Variants in TMTC2 observed in about 807,000 individuals in gnomAD.
The protein encoded by TMTC2 is transmembrane O-mannosyltransferase targeting cadherins 2, also known as protein O-mannosyl-transferase TMTC2.
Under a neutral mutation model 82.4 loss-of-function variants are expected in TMTC2, and 43 were observed. The observed-to-expected ratio is 0.52, with a 90% CI of 0.41 to 0.67. The LOEUF (loss-of-function observed/expected upper bound fraction) is 0.67. Among genes scored for constraint, TMTC2 ranks in the 30% least tolerant of loss-of-function variants. TMTC2 has a pLI of 0.00. For synonymous variants in TMTC2, 408 were observed against 381.9 expected, an observed-to-expected ratio of 1.07 and a Z score of -0.80; for missense variants, 919 against 1,012.4, an observed-to-expected ratio of 0.91 and a Z score of 1.25.
chr12:82,748,522 T>C (rs1875807620), intron 1 of TMTC2, among the ~76,000 whole-genome samples: 1 of 152,110 alleles, frequency 6.6e-6, no homozygotes, highest in Admixed American at 6.6e-5. Flanking sequence ...ACTAATAGTA[T>C]TAACTTTATA....
chr12:82,876,178 G>GTGGTGGT (rs1872567063), intron 2 of TMTC2, among the ~76,000 whole-genome samples: 1 of 137,576 alleles, frequency 7.3e-6, no homozygotes, highest in African/African-American at 3.3e-5. Context: ...GTTGTTGATC[G>GTGGTGGT]GGTGGTAGTG....
chr12:82,937,675 A>T (rs1346166783), intron 4 of TMTC2, among the ~76,000 whole-genome samples: 1 of 150,008 alleles, frequency 6.7e-6, no homozygotes, highest in Non-Finnish European at 1.5e-5. Context: ...TCCTTTAAAA[A>T]GCTAACATTT....
chr12:82,852,478 GT>G (rs1321742354), intron 1 of TMTC2, among the ~76,000 whole-genome samples: 2 of 152,036 alleles, frequency 1.3e-5, no homozygotes, highest in Non-Finnish European at 2.9e-5. Context: ...GCCAACAATT[GT>G]TTTTTTCCCA....
intron 11 of TMTC2, among the ~76,000 whole-genome samples, chr12:83,127,696 C>T (rs995685822): frequency 3.3e-5 from 5 of 152,016 alleles, no homozygotes; most frequent in Non-Finnish European, 4.4e-5. Flanking sequence ...TTTTGTGTTC[C>T]AATCCTGTGT....
chr12:82,779,036 CAAAAAAAAA>C (rs1196960733), intron 1 of TMTC2, among the ~76,000 whole-genome samples: 13 of 75,180 alleles, frequency 1.7e-4, no homozygotes, highest in Non-Finnish European at 3.6e-4. Context: ...GACTCCATAT[CAAAAAAAAA>C]AAAAAAAAAA....
chr12:82,687,354 G>A lies in TMTC2; in HGVS notation c.-233G>A, dbSNP rs952559775. ...TCACCGCTTGCGGGCGCCGGGCATGGGGAGTGTGGTGTGAGCCCGCACCCG... is the reference window on the plus strand; with the variant it reads ...TCACCGCTTGCGGGCGCCGGGCATGAGGAGTGTGGTGTGAGCCCGCACCCG... On this transcript the variant is annotated 5_prime_UTR_variant, in exon 1 of 12. Transcript: ENST00000321196. 5.3e-6 allele frequency: 3 copies of A among 571,342 alleles called. No individual in the cohort carries two copies. Among genetic ancestry groups the A allele is most frequent in the Non-Finnish European group, 9.4e-6 (3 of 319,116 alleles). The allele number at this position is 571,342 out of a possible 1,614,324, so 35.4% of individuals were successfully genotyped here.
chr12:82,862,220 T>A (rs1404137835), intron 2 of TMTC2, among the ~76,000 whole-genome samples: 4 of 152,190 alleles, frequency 2.6e-5, no homozygotes, highest in Admixed American at 2.6e-4. Flanking sequence ...GCCCACAAAA[T>A]TTTTTACAAG....
chr12:82,899,034 T>C (rs1873826286), intron 3 of TMTC2, among the ~76,000 whole-genome samples: 1 of 152,236 alleles, frequency 6.6e-6, no homozygotes, highest in South Asian at 2.1e-4. Flanking sequence ...GATCATTTCT[T>C]TATTTTTCCA....
intron 1 of TMTC2, among the ~76,000 whole-genome samples, chr12:82,742,084 G>A (rs1309718679): frequency 1.3e-5 from 2 of 152,110 alleles, no homozygotes; most frequent in Non-Finnish European, 2.9e-5. Flanking sequence ...CCATGTGGAG[G>A]CCTAGTATGG....
Position 83,037,882 on chromosome 12 carries a change from C to T in TMTC2, c.2152+7003C>T, listed in dbSNP as rs1289721271. Among the ~76,000 whole-genome samples the T allele has an allele frequency of 3.9e-5, 6 of 151,998 alleles. 1 individual carries two copies. In the South Asian group the frequency reaches 1.2e-3, roughly 32 times the overall value. ...ACAATAAACCGTTAAAGAATAATTTCTTTAAAGGCAAAAAATAAAAGATCA... is the reference window on the plus strand; with the variant it reads ...ACAATAAACCGTTAAAGAATAATTTTTTTAAAGGCAAAAAATAAAAGATCA... On this transcript the variant is annotated intron_variant, in intron 9 of 11. Coordinates refer to ENST00000321196, the MANE Select transcript of TMTC2 (RefSeq NM_152588.3).
chr12:83,096,832 A>T (rs1230453910), intron 11 of TMTC2, among the ~76,000 whole-genome samples: 1 of 152,006 alleles, frequency 6.6e-6, no homozygotes. Context: ...TGCCTTCCTC[A>T]CCTATTAGTT....
At chr12:83,021,602 A>C (rs1361416400) in intron 8 of TMTC2, among the ~76,000 whole-genome samples, 1 of 95,594 alleles carries the variant, frequency 1.0e-5, no homozygotes, top group African/African-American at 3.1e-5. Flanking sequence ...CTATAAAAAA[A>C]ATTTTTTTTT....
At chr12:83,093,492 T>C (rs1260157411) in intron 11 of TMTC2, among the ~76,000 whole-genome samples, 1 of 152,158 alleles carries the variant, frequency 6.6e-6, no homozygotes, top group Non-Finnish European at 1.5e-5. Context: ...AAATAGGCAA[T>C]AAAAGGCACT....
In TMTC2 at chr12:82,982,021, T is replaced by A. The variant is rs527763172; in HGVS notation, c.1949-3904T>A. 1.5e-4 allele frequency among the ~76,000 whole-genome samples: 22 copies of A among 151,636 alleles called. No homozygotes were observed. In the East Asian group the frequency reaches 2.7e-3, roughly 19 times the overall value. ...TTTGACATTTGCTTTTTTTTTTTTTTAAATCTTGAGTGAGTTTGTTAAGCT... is the reference window on the plus strand; with the variant it reads ...TTTGACATTTGCTTTTTTTTTTTTTAAAATCTTGAGTGAGTTTGTTAAGCT... On this transcript the variant is annotated intron_variant, in intron 7 of 11. Transcript: ENST00000321196.
At chr12:82,793,397 T>A (rs1878560591) in intron 1 of TMTC2, among the ~76,000 whole-genome samples, 1 of 150,798 alleles carries the variant, frequency 6.6e-6, no homozygotes. Flanking sequence ...TTAGAATATA[T>A]CTTCAGTTCT....
At chr12:83,043,523 A>G (rs1881974326) in intron 9 of TMTC2, among the ~76,000 whole-genome samples, 1 of 152,224 alleles carries the variant, frequency 6.6e-6, no homozygotes, top group Non-Finnish European at 1.5e-5. Flanking sequence ...GGATGCTGGC[A>G]ATGTTCTGTT....
At chr12:82,909,966 T>C (rs1333859681) in intron 3 of TMTC2, among the ~76,000 whole-genome samples, 1 of 152,170 alleles carries the variant, frequency 6.6e-6, no homozygotes, top group Non-Finnish European at 1.5e-5. Context: ...CACTATCAAA[T>C]TACAGGTATT....
chr12:82,996,318 A>C (rs1391279484), intron 8 of TMTC2, among the ~76,000 whole-genome samples: 1 of 152,138 alleles, frequency 6.6e-6, no homozygotes, highest in Non-Finnish European at 1.5e-5. Context: ...GGCATGGGAG[A>C]CCTGAGTGAA....
intron 2 of TMTC2, among the ~76,000 whole-genome samples, chr12:82,883,055 C>CAAA (rs66496024): frequency 1.2e-4 from 8 of 68,240 alleles, no homozygotes; most frequent in Admixed American, 2.2e-4. Context: ...AACTTGGTCT[C>CAAA]AAAAAAAAAA....
Sources: gnomAD v4.1 joint callset for allele counts (sites outside exome capture counted in the v4.1 genomes callset) on GRCh38, gnomAD v4.1.1 for gene constraint, MANE v1.5 for transcripts, NCBI Gene and HGNC (gene_info 2026-07-23, HGNC 2026-07-21) for gene names.